The following SRRM3 variants were observed in gnomAD, a reference collection of about 807,000 sequenced individuals.
SRRM3 encodes serine/arginine repetitive matrix 3, also known as serine/arginine repetitive matrix protein 3.
In SRRM3, 27 loss-of-function variants were observed where a neutral mutation model predicts 66.2. The observed-to-expected ratio is 0.41, with a 90% confidence interval of 0.30 to 0.56. The LOEUF is 0.56. Ranked by LOEUF, SRRM3 falls within the 20% of genes least tolerant of loss-of-function variation. SRRM3 has a pLI of 0.32. For missense variants in SRRM3, 918 were observed against 991.9 expected, an observed-to-expected ratio of 0.93 and a Z score of 1.00; for synonymous variants, 391 against 414.9, an observed-to-expected ratio of 0.94 and a Z score of 0.70.
intron 1 of SRRM3, among the ~76,000 whole-genome samples, chr7:76,226,565 GTTATTTAT>G (rs201770924): frequency 0.021 from 3,173 of 148,296 alleles, 52 homozygotes; most frequent in African/African-American, 0.048. Flanking sequence ...AAGGTCTGGT[GTTATTTAT>G]TTATTTATTT....
At chr7:76,228,750 TG>T in intron 1 of SRRM3, among the ~76,000 whole-genome samples, 1 of 151,854 alleles carries the variant, frequency 6.6e-6, no homozygotes, top group Non-Finnish European at 1.5e-5. Context: ...AACAAATCTG[TG>T]TCTTAACAAG....
Position 76,259,925 on chromosome 7 carries a change from C to G in SRRM3, c.355C>G (p.Leu119Val). The part of the protein sequence containing the change: ...GGHIVAETPR[L>V]TEGAEPGLEY... ...CGGCAGTGTGGCGGAGACCCCGCGG[C>G]TGACCGAGGGCGCTGAGCCGGGCCT... Residue 119 changes from leucine (L) to valine (V), a missense_variant, in exon 4 of 15, where the codon CTG becomes GTG. Leu to Val is a conservative substitution (Grantham distance 32). Transcript: ENST00000611745. 1 of 1,601,856 alleles carries G rather than the reference C, an allele frequency of 6.2e-7. No homozygotes were observed. The highest frequency in any genetic ancestry group is 8.5e-7 in the Non-Finnish European group (1 of 1,179,548).
chr7:76,286,172 G>A lies in SRRM3; in HGVS notation c.*329G>A, dbSNP rs1055300583. ...ACTCACCAGGCTTGGGACTGCTGCCGGTGGATGGTACCAGAGTCCATGATC... is the reference window on the plus strand; with the variant it reads ...ACTCACCAGGCTTGGGACTGCTGCCAGTGGATGGTACCAGAGTCCATGATC... On this transcript the variant is annotated 3_prime_UTR_variant, in exon 15 of 15. Transcript: ENST00000611745. The A allele has an allele frequency of 4.9e-5, 21 of 425,476 alleles. No individual in the cohort carries two copies. The highest frequency in any genetic ancestry group is 7.1e-5 in the Non-Finnish European group (16 of 225,172). The allele number at this position is 425,476 out of a possible 1,614,324, so 26.4% of individuals were successfully genotyped here. A position where few individuals can be genotyped will look rare whatever the true frequency, so the allele number is the denominator to read the frequency against.
chr7:76,216,087 G>A (rs569348381), intron 1 of SRRM3, among the ~76,000 whole-genome samples: 8 of 151,674 alleles, frequency 5.3e-5, no homozygotes, highest in South Asian at 4.2e-4. Context: ...GATTACAGGC[G>A]TGAGCCACCG....
At chr7:76,219,065 C>G (rs1228848358) in intron 1 of SRRM3, among the ~76,000 whole-genome samples, 4 of 152,118 alleles carry the variant, frequency 2.6e-5, no homozygotes, top group African/African-American at 7.2e-5. Flanking sequence ...CTAGGCTGGT[C>G]TTGAACTCCT....
Position 76,235,166 on chromosome 7 carries a change from C to T in SRRM3, c.100C>T (p.Arg34Trp). Residue 34 changes from arginine (R) to tryptophan (W), a missense_variant, in exon 2 of 15, where the codon CGG becomes TGG. Arg to Trp is a moderately radical substitution (Grantham distance 101). Coordinates refer to ENST00000611745, the MANE Select transcript of SRRM3 (RefSeq NM_001110199.3). ...QPSSSSGTWP[R>W]AEEELRAAEP... is the part of the protein sequence containing the mutation. ...CAGCTCCTCCTCGGGGACCTGGCCG[C>T]GGGCGGAAGAGGAGCTGCGCGCCGC... is the stretch of plus-strand genomic sequence containing the variant. 2 of 1,549,720 alleles carry T rather than the reference C, an allele frequency of 1.3e-6. No homozygotes were observed. The highest frequency in any genetic ancestry group is 1.7e-6 in the Non-Finnish European group (2 of 1,155,686).
intron 1 of SRRM3, among the ~76,000 whole-genome samples, chr7:76,212,184 AG>A (rs1800449994): frequency 1.1e-5 from 1 of 95,124 alleles, no homozygotes; most frequent in South Asian, 3.2e-4. Flanking sequence ...TTTTTTTGAC[AG>A]GGTCTCAAAC....
At chr7:76,230,775 G>C (rs1241732862) in intron 1 of SRRM3, among the ~76,000 whole-genome samples, 1 of 148,084 alleles carries the variant, frequency 6.8e-6, no homozygotes, top group Non-Finnish European at 1.5e-5. Flanking sequence ...TTTCAAGACA[G>C]AGTCTCACTC....
At chr7:76,238,392 A>G (rs1379563678) in intron 2 of SRRM3, among the ~76,000 whole-genome samples, 1 of 152,154 alleles carries the variant, frequency 6.6e-6, no homozygotes, top group African/African-American at 2.4e-5. Flanking sequence ...GTTCTCGGGC[A>G]TTTGACAAAT....
In SRRM3 at chr7:76,235,185, G is replaced by A. The variant is rs1554604670; in HGVS notation, c.119G>A (p.Arg40His). The A allele has an allele frequency of 6.5e-7, 1 of 1,549,078 alleles. No individual in the cohort carries two copies. The highest frequency in any genetic ancestry group is 8.7e-7 in the Non-Finnish European group (1 of 1,155,546). ...TGGCCGCGGGCGGAAGAGGAGCTGC[G>A]CGCCGCGGAGCCGGGCCTGGTGAAG... is the stretch of plus-strand genomic sequence containing the variant. The part of the protein sequence containing the change: ...GTWPRAEEEL[R>H]AAEPGLVKRA... Residue 40 changes from arginine (R) to histidine (H), a missense_variant, in exon 2 of 15, where the codon CGC (arginine) becomes CAC (histidine). Arg to His is a conservative substitution (Grantham distance 29, BLOSUM62 0). Coordinates refer to ENST00000611745, the MANE Select transcript of SRRM3 (RefSeq NM_001110199.3).
In SRRM3 at chr7:76,260,281, C is replaced by A; in HGVS notation, c.545+84C>A. On this transcript the variant is annotated intron_variant, in intron 5 of 14. Coordinates refer to ENST00000611745, the MANE Select transcript of SRRM3 (RefSeq NM_001110199.3). Reference sequence around the variant, plus strand: ...TGCCCGTCCCTGGCTCACAACCATGCAGCATTTGTGAGCCCCGCCCCTCTC... The same window carrying A: ...TGCCCGTCCCTGGCTCACAACCATGAAGCATTTGTGAGCCCCGCCCCTCTC... The A allele has an allele frequency of 3.7e-6, 4 of 1,079,684 alleles. No homozygotes were observed. The Middle Eastern group carries it at 9.2e-4, about 248-fold the overall frequency. 66.9% of individuals were successfully genotyped at this position (1,079,684 alleles called of 1,614,324 possible).
In SRRM3 at chr7:76,235,305, C is replaced by T. The variant is rs1554604736; in HGVS notation, c.233+6C>T. On this transcript the variant is annotated splice_donor_region_variant and intron_variant, in intron 2 of 14. Coordinates refer to ENST00000611745, the MANE Select transcript of SRRM3 (RefSeq NM_001110199.3). ...GAGATGATGGAGGAGCAGGGGTGAG[C>T]AGGCCGCGGGGCGGGACTGGGGTGG... The T allele has an allele frequency of 1.3e-6, 2 of 1,497,912 alleles. No individual in the cohort carries two copies. Among genetic ancestry groups the T allele is most frequent in the African/African-American group, 1.4e-5 (1 of 70,590 alleles). The allele number at this position is 1,497,912 out of a possible 1,614,324, so 92.8% of individuals were successfully genotyped here.
chr7:76,254,478 C>T lies in SRRM3; in HGVS notation c.336-5428C>T, dbSNP rs1029595799. ...GGATTACAAGCATGTCCTACCATAC[C>T]TGGCTAATTTTGTATTTTTAGTAGA... On this transcript the variant is annotated intron_variant, in intron 3 of 14. Coordinates refer to ENST00000611745, the MANE Select transcript of SRRM3 (RefSeq NM_001110199.3). Among the ~76,000 whole-genome samples, 3 of 152,140 alleles carry T rather than the reference C, an allele frequency of 2.0e-5. No homozygotes were observed. In the South Asian group the frequency reaches 6.2e-4, roughly 32 times the overall value.
At chr7:76,283,143 C>T (rs781842068) in intron 14 of SRRM3, 42 bp downstream of exon 14, 3 of 1,366,176 alleles carry the variant, frequency 2.2e-6, no homozygotes, top group East Asian at 5.6e-5. Context: ...AGGGCTGGGG[C>T]CGCTGACCCG....
At chr7:76,278,377 C>A (rs1451130630) in intron 11 of SRRM3, among the ~76,000 whole-genome samples, 8 of 152,126 alleles carry the variant, frequency 5.3e-5, no homozygotes, top group Non-Finnish European at 7.4e-5. Flanking sequence ...ATCCCAGCTA[C>A]TTGGGAGGCT....
chr7:76,218,871 TC>T (rs2116957408), intron 1 of SRRM3, among the ~76,000 whole-genome samples: 2 of 152,086 alleles, frequency 1.3e-5, no homozygotes, highest in Non-Finnish European at 2.9e-5. Context: ...TTTGTTTTTT[TC>T]AGACAGAGTG....
At chr7:76,283,664 G>A (rs1426965821) in intron 14 of SRRM3, 1 of 625,356 alleles carries the variant, frequency 1.6e-6, no homozygotes, top group African/African-American at 1.9e-5. Flanking sequence ...TCACTAACCT[G>A]GGGGATTTGG....
Position 76,261,432 on chromosome 7 carries a change from A to T in SRRM3, c.638+18A>T. 1 of 1,595,042 alleles carries T rather than the reference A, an allele frequency of 6.3e-7. No individual in the cohort carries two copies. Among genetic ancestry groups the T allele is most frequent in the Non-Finnish European group, 8.5e-7 (1 of 1,170,176 alleles). On this transcript the variant is annotated intron_variant, in intron 7 of 14. Transcript: ENST00000611745. ...CGAGACAGGTACCCTTGCTGCCCCC[A>T]CCCTGGGGCCTCCTCTTCCTCCCGT...
intron 11 of SRRM3, among the ~76,000 whole-genome samples, chr7:76,280,447 G>A (rs1196712001): frequency 7.2e-6 from 1 of 138,366 alleles, no homozygotes; most frequent in Non-Finnish European, 1.5e-5. Flanking sequence ...GGTCCGGCCT[G>A]GTGGGCTGGC....
Sources: allele counts gnomAD v4.1 joint callset (sites outside exome capture counted in the v4.1 genomes callset), GRCh38; gene constraint gnomAD v4.1.1; transcripts MANE v1.5; gene names NCBI Gene and HGNC (gene_info 2026-07-23, HGNC 2026-07-21).